The following ZNF48 variants were observed in gnomAD, a reference collection of about 807,000 sequenced individuals.
ZNF48 encodes zinc finger protein 48.
ZNF48 carries 20 observed loss-of-function variants against 40.0 expected under a neutral mutation model. That is an observed-to-expected ratio of 0.50 (90% CI 0.35 to 0.73). The LOEUF (loss-of-function observed/expected upper bound fraction) is 0.73, where lower values mean the gene tolerates loss of function less well. ZNF48 is among the 30% of genes least tolerant of loss of function. ZNF48 has a pLI of 0.01. For synonymous variants in ZNF48, 298 were observed against 329.7 expected (o/e 0.90, Z 1.04); for missense variants, 726 against 851.9 (o/e 0.85, Z 1.84).
Position 30,382,873 on chromosome 16 carries a change from G to A in ZNF48, c.-16+4463G>A. The A allele has an allele frequency of 2.4e-6, 3 of 1,268,978 alleles. No homozygotes were observed. 78.6% of individuals were successfully genotyped at this position (1,268,978 alleles called of 1,614,324 possible). A position where few individuals can be genotyped will look rare whatever the true frequency, so the allele number is the denominator to read the frequency against. On this transcript the variant is annotated intron_variant, in intron 1 of 2. Coordinates refer to the ZNF48 transcript ENST00000528032. The surrounding 1 kb of genome is among the most constrained non-coding windows in gnomAD (Gnocchi z 4.8). ...GGGGAGATGAAGGTTTTGATGAGCT[G>A]ATTAGAAAACAGTTCCCAGGACGGG...
At position 30,382,747 on chromosome 16, in the gene ZNF48, A is replaced by C. The variant is rs1480031268; in HGVS notation, c.-16+4337A>C. 9 of 1,536,158 alleles carry C rather than the reference A, an allele frequency of 5.9e-6. No homozygotes were observed. The highest frequency in any genetic ancestry group is 7.8e-6 in the Non-Finnish European group (9 of 1,146,790). On this transcript the variant is annotated intron_variant, in intron 1 of 2. Coordinates refer to the ZNF48 transcript ENST00000528032. This position sits in a 1 kb window ranked among gnomAD's most constrained non-coding sequence, Gnocchi z 4.8. ...CCTGTCTACGTACCTTCAACCCTCC[A>C]TCCTTCACACATCTGGATTCCAAGT...
At chr16:30,380,189 AAAAC>A (rs1451575591) in intron 1 of ZNF48, 2 of 499,674 alleles carry the variant, frequency 4.0e-6, no homozygotes, top group Non-Finnish European at 6.9e-6. Context: ...CAGGAAGACA[AAAAC>A]AAAATCTCAG....
Position 30,398,303 on chromosome 16 carries a change from C to A in ZNF48, c.1053C>A (p.Arg351=). ...ADSSARVKHL[R]THSGERPHAC... ...GCTCCGCCCGAGTCAAACACCTCCG[C>A]ACCCACAGTGGCGAGAGGCCCCATG... Residue 351 remains arginine (R), a synonymous_variant, in exon 3 of 3, where the codon CGC becomes CGA. Transcript: ENST00000613509. The surrounding 1 kb of genome is among the most constrained non-coding windows in gnomAD (Gnocchi z 6.6). 6.2e-7 allele frequency: 1 copy of A among 1,613,642 alleles called. No individual in the cohort carries two copies. Among genetic ancestry groups the A allele is most frequent in the Non-Finnish European group, 8.5e-7 (1 of 1,180,028 alleles).
chr16:30,378,389 G>A, exon 1 of ZNF48: 1 of 1,503,712 alleles, frequency 6.7e-7, no homozygotes, highest in Non-Finnish European at 8.8e-7. Flanking sequence ...TGGACAAGAG[G>A]CCGACTGAAG....
Position 30,398,068 on chromosome 16 carries a change from A to C in ZNF48, c.818A>C (p.Lys273Thr). The change falls in exon 3 of 3, where the codon AAG becomes ACG. Residue 273 changes from lysine to threonine, a missense_variant. This residue lies in a region of ZNF48 where 378 missense variants were observed against 449.1 expected (regional missense o/e 0.84). Coordinates refer to ENST00000613509, the MANE Select transcript of ZNF48 (RefSeq NM_001214909.2). The surrounding 1 kb of genome is among the most constrained non-coding windows in gnomAD (Gnocchi z 6.6). Reference sequence around the variant, plus strand: ...ACCCAGGGACCGAAGGCCCAGGACAAGCCATATATCTGCACTGATTGCGGC... The same window carrying C: ...ACCCAGGGACCGAAGGCCCAGGACACGCCATATATCTGCACTGATTGCGGC... The part of the protein sequence containing the change: ...AATQGPKAQD[K>T]PYICTDCGKR... 6.2e-7 allele frequency: 1 copy of C among 1,613,184 alleles called. No homozygotes were observed. Among genetic ancestry groups the C allele is most frequent in the Non-Finnish European group, 8.5e-7 (1 of 1,179,468 alleles).
At chr16:30,379,988 G>A in intron 1 of ZNF48, 1 of 1,611,274 alleles carries the variant, frequency 6.2e-7, no homozygotes, top group Non-Finnish European at 8.5e-7. Context: ...TCACATTCGG[G>A]GAACTGGTAG....
At chr16:30,392,412 G>C (rs1247604369), upstream of ZNF48, among the ~76,000 whole-genome samples, 5 of 151,830 alleles carry the variant, frequency 3.3e-5, no homozygotes, top group African/African-American at 1.2e-4. Context: ...TCAGCCTCCC[G>C]AGGTGTTGGG....
Position 30,397,516 on chromosome 16 carries a change from A to C in ZNF48, c.266A>C (p.Gln89Pro). 6.2e-7 allele frequency: 1 copy of C among 1,614,158 alleles called. No individual in the cohort carries two copies. The highest frequency in any genetic ancestry group is 8.5e-7 in the Non-Finnish European group (1 of 1,180,022). The change falls in exon 3 of 3, where the codon CAG becomes CCG. Residue 89 changes from glutamine (Q) to proline (P), a missense_variant. Transcript: ENST00000613509. This position sits in a 1 kb window ranked among gnomAD's most constrained non-coding sequence, Gnocchi z 4.1. The part of the protein sequence containing the change: ...WVQREGLGKP[Q>P]PRDRGPRLLG... ...CAGAGAGAGGGTCTAGGAAAGCCTC[A>C]GCCTCGGGACAGAGGCCCCCGGCTC...
chr16:30,397,995 C>A lies in ZNF48; in HGVS notation c.745C>A (p.Arg249=). 1 of 1,613,566 alleles carries A rather than the reference C, an allele frequency of 6.2e-7. No individual in the cohort carries two copies. The highest frequency in any genetic ancestry group is 8.5e-7 in the Non-Finnish European group (1 of 1,179,810). Residue 249 remains arginine, a synonymous_variant, in exon 3 of 3, where the codon CGA becomes AGA. Coordinates refer to ENST00000613509, the MANE Select transcript of ZNF48 (RefSeq NM_001214909.2). This position sits in a 1 kb window ranked among gnomAD's most constrained non-coding sequence, Gnocchi z 4.1. ...GACACACCGGGGGGAGCAGCCCCCC[C>A]GACCAGTGGTGCCCCGACGGCAGCC... ...QRTHRGEQPP[R]PVVPRRQPSR... is the part of the protein sequence containing the mutation.
intron 1 of ZNF48, among the ~76,000 whole-genome samples, chr16:30,388,577 C>T (rs1484329306): frequency 1.3e-5 from 2 of 152,170 alleles, no homozygotes; most frequent in Admixed American, 6.5e-5. Context: ...GGCAATAGGG[C>T]GAGACCTTGT....
intron 1 of ZNF48, among the ~76,000 whole-genome samples, chr16:30,385,223 T>A (rs140830001): frequency 1.5e-5 from 2 of 136,198 alleles, no homozygotes; most frequent in African/African-American, 6.4e-5. Context: ...AATAATAATA[T>A]AAATAAATAA....
chr16:30,383,181 C>G (rs1210968381), intron 1 of ZNF48, among the ~76,000 whole-genome samples: 7 of 152,142 alleles, frequency 4.6e-5, no homozygotes, highest in Admixed American at 4.6e-4. Context: ...AACCCTGTTT[C>G]TTTTTCTTTC....
Position 30,382,145 on chromosome 16 carries a change from G to A in ZNF48, c.-16+3735G>A. 6.3e-7 allele frequency: 1 copy of A among 1,597,734 alleles called. No homozygotes were observed. The highest frequency in any genetic ancestry group is 8.5e-7 in the Non-Finnish European group (1 of 1,172,050). On this transcript the variant is annotated intron_variant, in intron 1 of 2. Coordinates refer to the ZNF48 transcript ENST00000528032. The surrounding 1 kb of genome is among the most constrained non-coding windows in gnomAD (Gnocchi z 4.8). The stretch of plus-strand genomic sequence containing the variant: ...CATAGAGGTTGGTGAGGAAGAGGCT[G>A]TTGATGAGGGTGGATTTCCCTAGGC...
chr16:30,395,750 C>T lies in ZNF48; in HGVS notation c.-15-30C>T. The T allele has an allele frequency of 3.4e-6, 5 of 1,450,290 alleles. No individual in the cohort carries two copies. Among genetic ancestry groups the T allele is most frequent in the South Asian group, 1.3e-5 (1 of 74,384 alleles). 89.8% of individuals were successfully genotyped at this position (1,450,290 alleles called of 1,614,324 possible). A position where few individuals can be genotyped will look rare whatever the true frequency, so the allele number is the denominator to read the frequency against. ...CCGCGGGCCACACATGGCTGCGTGA[C>T]CGCGGGATGCTGTCTGTCCCCTTGC... On this transcript the variant is annotated intron_variant, in intron 1 of 2. Transcript: ENST00000613509. The surrounding 1 kb of genome is among the most constrained non-coding windows in gnomAD (Gnocchi z 5.9).
At chr16:30,386,032 T>C (rs1458140004) in intron 1 of ZNF48, among the ~76,000 whole-genome samples, 1 of 151,960 alleles carries the variant, frequency 6.6e-6, no homozygotes, top group Non-Finnish European at 1.5e-5. Context: ...TCTCAGCACT[T>C]TGGGAGGCCG....
Position 30,381,039 on chromosome 16 carries a change from A to T in ZNF48, c.-16+2629A>T. On this transcript the variant is annotated intron_variant, in intron 1 of 2. Transcript: ENST00000528032. The surrounding 1 kb of genome is among the most constrained non-coding windows in gnomAD (Gnocchi z 4.3). ...AATCTAGCCTGATGCACCATGCTCC[A>T]GAAAGGCCACTTCAAGATCAAAGAA... is the stretch of plus-strand genomic sequence containing the variant. The T allele has an allele frequency of 1.0e-5, 11 of 1,087,032 alleles. No homozygotes were observed. Among genetic ancestry groups the T allele is most frequent in the Non-Finnish European group, 1.6e-5 (11 of 703,174 alleles). The allele number at this position is 1,087,032 out of a possible 1,614,324, so 67.3% of individuals were successfully genotyped here. A position where few individuals can be genotyped will look rare whatever the true frequency, so the allele number is the denominator to read the frequency against.
intron 1 of ZNF48, among the ~76,000 whole-genome samples, chr16:30,387,781 ACTT>A (rs1249909176): frequency 4.0e-5 from 6 of 151,612 alleles, no homozygotes; most frequent in Non-Finnish European, 8.8e-5. Context: ...CTGATCTTGA[ACTT>A]CTGACCTCAG....
intron 1 of ZNF48, chr16:30,380,025 A>G (rs1385168511): frequency 2.5e-6 from 4 of 1,610,342 alleles, no homozygotes; most frequent in Non-Finnish European, 2.5e-6. Flanking sequence ...CCTTCAACTG[A>G]TCCCGGATCT....
rs1280606451 is a variant in ZNF48 at position 30,381,689 on chromosome 16, C to T, written c.-16+3279C>T. The T allele has an allele frequency of 6.3e-7, 1 of 1,590,096 alleles. No individual in the cohort carries two copies. ...TTTTGAGATAGGGAGCCAGCACAAA[C>T]CAGTCCTGTAACTCTCCAGGGAGTC... On this transcript the variant is annotated intron_variant, in intron 1 of 2. Coordinates refer to the ZNF48 transcript ENST00000528032. This position sits in a 1 kb window ranked among gnomAD's most constrained non-coding sequence, Gnocchi z 4.3.
Sources: allele counts gnomAD v4.1 joint callset (sites outside exome capture counted in the v4.1 genomes callset), GRCh38; gene constraint gnomAD v4.1.1; regional missense constraint gnomAD v4.1.1; non-coding constraint Gnocchi (gnomAD v3.1); transcripts MANE v1.5; gene names NCBI Gene and HGNC (gene_info 2026-07-23, HGNC 2026-07-21).